RGS12: variants seen among roughly 807,000 people sequenced by gnomAD.
RGS12 encodes the protein regulator of G protein signaling 12.
RGS12 carries 66 observed loss-of-function variants against 120.1 expected under a neutral mutation model. That is an observed-to-expected ratio of 0.55 (90% confidence interval 0.45 to 0.67). The LOEUF is 0.67. Ranked by LOEUF, RGS12 falls within the 30% of genes least tolerant of loss-of-function variation. RGS12 has a pLI of 0.00. For synonymous variants in RGS12, 827 were observed against 804.7 expected (o/e 1.03, Z -0.47); for missense variants, 1,859 against 1,957.7 (o/e 0.95, Z 0.95).
At chr4:3,294,445 CT>C (rs34195614) in intron 1 of RGS12, among the ~76,000 whole-genome samples, 6,549 of 152,318 alleles carry the variant, frequency 0.043, 170 homozygotes, top group South Asian at 0.094. Context: ...TTATATTTCA[CT>C]TTAGAAAGTA....
chr4:3,435,633 G>C (rs1247727269), intron 17 of RGS12, among the ~76,000 whole-genome samples: 2 of 151,726 alleles, frequency 1.3e-5, no homozygotes, highest in African/African-American at 4.8e-5. Flanking sequence ...GGCTCCCCAG[G>C]GGATTCCTGA....
chr4:3,437,966 G>A (rs1318343404), intron 17 of RGS12, among the ~76,000 whole-genome samples: 1 of 152,200 alleles, frequency 6.6e-6, no homozygotes, highest in Non-Finnish European at 1.5e-5. Flanking sequence ...CTGGGATTGG[G>A]GACCTTGGTG....
intron 1 of RGS12, among the ~76,000 whole-genome samples, chr4:3,305,140 G>C (rs1041294559): frequency 6.6e-6 from 1 of 152,268 alleles, no homozygotes; most frequent in Non-Finnish European, 1.5e-5. Context: ...CAGCCAGGCA[G>C]TGACTTCCCT....
upstream of RGS12, among the ~76,000 whole-genome samples, chr4:3,289,831 C>T (rs1034691894): frequency 2.0e-5 from 3 of 152,214 alleles, no homozygotes; most frequent in Admixed American, 6.5e-5. Flanking sequence ...CCACCCACAG[C>T]CTCTGGTAAC....
chr4:3,356,178 T>G (rs945718536), intron 3 of RGS12, among the ~76,000 whole-genome samples: 2 of 150,436 alleles, frequency 1.3e-5, no homozygotes, highest in Middle Eastern at 3.2e-3. Context: ...CTCAGCCCCC[T>G]CATATAGCTG....
chr4:3,342,536 T>C, intron 2 of RGS12: 1 of 1,293,498 alleles, frequency 7.7e-7, no homozygotes, highest in Non-Finnish European at 1.0e-6. Flanking sequence ...AAAACCTGCC[T>C]TCATCTTTAC....
chr4:3,432,250 A>G, intron 17 of RGS12: 1 of 826,858 alleles, frequency 1.2e-6, no homozygotes, highest in Non-Finnish European at 1.5e-6. Context: ...ATTTTAATCT[A>G]GGGGAAATAT....
chr4:3,304,223 C>T (rs954171733), intron 1 of RGS12, among the ~76,000 whole-genome samples: 6 of 152,144 alleles, frequency 3.9e-5, no homozygotes, highest in African/African-American at 1.4e-4. Flanking sequence ...AAATGCTGAC[C>T]TGGGACATTT....
intron 1 of RGS12, among the ~76,000 whole-genome samples, chr4:3,301,992 A>G (rs1020461260): frequency 3.4e-5 from 5 of 148,030 alleles, no homozygotes; most frequent in Non-Finnish European, 6.0e-5. Context: ...GGTATCCTGT[A>G]TTTTTTTTTT....
At position 3,366,329 on chromosome 4, in the gene RGS12, G is replaced by C. The variant is rs940394851; in HGVS notation, c.1999-20087G>C. Among the ~76,000 whole-genome samples, 1 of 152,146 alleles carries C rather than the reference G, an allele frequency of 6.6e-6. No homozygotes were observed. The highest frequency in any genetic ancestry group is 1.5e-5 in the Non-Finnish European group (1 of 68,018). ...GAGAGCCCAGCTGGGGGAGATTTGA[G>C]GGCCCTGCCCATAGAGGAGCCACAC... On this transcript the variant is annotated intron_variant, in intron 3 of 17. Coordinates refer to ENST00000336727, the MANE Select transcript of RGS12 (RefSeq NM_001394154.1). This position sits in a 1 kb window ranked among gnomAD's most constrained non-coding sequence, Gnocchi z 4.0.
chr4:3,352,113 G>A (rs1286071522), intron 3 of RGS12, among the ~76,000 whole-genome samples: 1 of 152,176 alleles, frequency 6.6e-6, no homozygotes, highest in Non-Finnish European at 1.5e-5. Context: ...AACCGGGTGT[G>A]CAGAACCAGA....
chr4:3,417,524 A>C lies in RGS12; in HGVS notation c.2744A>C (p.His915Pro). Residue 915 changes from histidine to proline, a missense_variant, in exon 9 of 18, where the codon CAC becomes CCC. Physicochemically the swap from His to Pro is moderately conservative, Grantham distance 77. Transcript: ENST00000336727. ...STGRSQKKRE[H>P]GDHADDALHA... ...GGGAGGTCCCAGAAAAAGAGGGAGCACGGGGACCACGCAGACGGTTTGTGG... is the reference window on the plus strand; with the variant it reads ...GGGAGGTCCCAGAAAAAGAGGGAGCCCGGGGACCACGCAGACGGTTTGTGG... 1 of 1,612,970 alleles carries C rather than the reference A, an allele frequency of 6.2e-7. No homozygotes were observed. The highest frequency in any genetic ancestry group is 8.5e-7 in the Non-Finnish European group (1 of 1,179,940).
intron 2 of RGS12, among the ~76,000 whole-genome samples, chr4:3,318,981 A>G (rs182482648): frequency 8.3e-4 from 127 of 152,346 alleles, no homozygotes; most frequent in Non-Finnish European, 1.5e-3. Context: ...GTTTGTTCAC[A>G]TCCTGAGACC....
In RGS12 at chr4:3,374,056, C is replaced by T. The variant is rs114288696; in HGVS notation, c.1999-12360C>T. ...GTCCTGAGGAGGAAGGCAGCGAGCC[C>T]GCTTGGCGAGGCCCTTGAGCACTCA... On this transcript the variant is annotated intron_variant, in intron 3 of 17. Coordinates refer to ENST00000336727, the MANE Select transcript of RGS12 (RefSeq NM_001394154.1). This position sits in a 1 kb window ranked among gnomAD's most constrained non-coding sequence, Gnocchi z 6.3. 3.7e-3 allele frequency among the ~76,000 whole-genome samples: 564 copies of T among 152,336 alleles called. No individual in the cohort carries two copies. Among genetic ancestry groups the T allele is most frequent in the African/African-American group, 0.013 (525 of 41,582 alleles).
intron 4 of RGS12, among the ~76,000 whole-genome samples, chr4:3,392,763 C>T (rs1046420496): frequency 1.3e-5 from 2 of 152,054 alleles, no homozygotes; most frequent in South Asian, 2.1e-4. Context: ...CTGAGGTGGG[C>T]GGATCAGCTG....
At chr4:3,363,120 C>A (rs1014261366) in intron 3 of RGS12, among the ~76,000 whole-genome samples, 4 of 123,572 alleles carry the variant, frequency 3.2e-5, no homozygotes, top group African/African-American at 1.3e-4. Flanking sequence ...TGTGAGAGTG[C>A]GCATCAGTGA....
At chr4:3,373,330 G>A (rs1379711691) in intron 3 of RGS12, among the ~76,000 whole-genome samples, 2 of 152,246 alleles carry the variant, frequency 1.3e-5, no homozygotes, top group African/African-American at 4.8e-5. Flanking sequence ...GGACCAGGTT[G>A]TGTTAGGGCC....
chr4:3,437,773 G>C (rs1268283089), intron 17 of RGS12, among the ~76,000 whole-genome samples: 18 of 152,214 alleles, frequency 1.2e-4, no homozygotes, highest in Admixed American at 1.2e-3. Flanking sequence ...CCACATGCTG[G>C]CTGGGCTGCT....
chr4:3,331,956 G>A lies in RGS12; in HGVS notation c.1882-10981G>A, dbSNP rs138953670. 3.7e-3 allele frequency among the ~76,000 whole-genome samples: 561 copies of A among 152,310 alleles called. 1 individual carries two copies. Among genetic ancestry groups the A allele is most frequent in the Non-Finnish European group, 6.3e-3 (426 of 68,018 alleles). ...GGGTTTCATCCTGACCACGGCCACC[G>A]AGTGCGCTCTCTGGGGAATGGTATC... On this transcript the variant is annotated intron_variant, in intron 2 of 17. Coordinates refer to ENST00000336727, the MANE Select transcript of RGS12 (RefSeq NM_001394154.1).
Sources: gnomAD v4.1 joint callset for allele counts (sites outside exome capture counted in the v4.1 genomes callset) on GRCh38, gnomAD v4.1.1 for gene constraint, Gnocchi (gnomAD v3.1) non-coding constraint, MANE v1.5 for transcripts, NCBI Gene and HGNC (gene_info 2026-07-23, HGNC 2026-07-21) for gene names.